Variants in CEP57 observed in about 807,000 individuals in gnomAD.
The protein encoded by CEP57 is centrosomal protein of 57 kDa.
Under a neutral mutation model 68.0 loss-of-function variants are expected in CEP57, and 40 were observed. The observed-to-expected ratio is 0.59, with a 90% CI of 0.46 to 0.77. CEP57 has a LOEUF of 0.77. CEP57 is among the 30% of genes least tolerant of loss of function. CEP57 has a pLI of 0.00. For synonymous variants in CEP57, 219 were observed against 198.7 expected (o/e 1.10, Z -0.86); for missense variants, 606 against 580.7 (o/e 1.04, Z -0.45).
intron 1 of CEP57, 47 bp downstream of exon 1, chr11:95,790,790 CTCTT>C: frequency 6.2e-7 from 1 of 1,607,930 alleles, no homozygotes; most frequent in Non-Finnish European, 8.5e-7. Flanking sequence ...CCCTAAGCGC[CTCTT>C]TGAGTTTCCT....
chr11:95,806,510 G>A lies in CEP57; in HGVS notation c.203-6422G>A, dbSNP rs1189793366. On this transcript the variant is annotated intron_variant, in intron 2 of 10. Transcript: ENST00000325542. ...TGACACACAGTACCTGGAAAATCAG[G>A]ACACTCCCACCCTAATACTGTGCTT... is the stretch of plus-strand genomic sequence containing the variant. Among the ~76,000 whole-genome samples, 3 of 152,142 alleles carry A rather than the reference G, an allele frequency of 2.0e-5. No individual in the cohort carries two copies. The East Asian group carries it at 5.8e-4, about 29-fold the overall frequency.
At chr11:95,809,743 G>A (rs548680806) in intron 2 of CEP57, among the ~76,000 whole-genome samples, 2 of 152,192 alleles carry the variant, frequency 1.3e-5, no homozygotes, top group Admixed American at 6.5e-5. Context: ...AGGACCAGAC[G>A]GATTCACAGC....
At chr11:95,819,124 A>G (rs1300444569) in intron 6 of CEP57, among the ~76,000 whole-genome samples, 1 of 152,234 alleles carries the variant, frequency 6.6e-6, no homozygotes, top group African/African-American at 2.4e-5. Context: ...GTAGAGTTTC[A>G]ATCAGCATTT....
intron 1 of CEP57, among the ~76,000 whole-genome samples, chr11:95,798,606 C>T (rs1169660857): frequency 1.3e-5 from 2 of 152,220 alleles, no homozygotes; most frequent in Non-Finnish European, 2.9e-5. Context: ...TAAAACTCCA[C>T]AGTTAGCATC....
Position 95,827,961 on chromosome 11 carries a change from A to G in CEP57, c.1061A>G (p.Asn354Ser), listed in dbSNP as rs756729497. ...TTGTCAGTAACACCTCCCTCCTCCAACGGTATTAATGAGGAGTTGTCAGAA... is the reference window on the plus strand; with the variant it reads ...TTGTCAGTAACACCTCCCTCCTCCAGCGGTATTAATGAGGAGTTGTCAGAA... ...KKLSVTPPSS[N>S]GINEELSEVL... Residue 354 changes from asparagine to serine, a missense_variant, in exon 9 of 11, where the codon AAC (asparagine) becomes AGC (serine). Coordinates refer to ENST00000325542, the MANE Select transcript of CEP57 (RefSeq NM_014679.5). 5.6e-6 allele frequency: 9 copies of G among 1,613,826 alleles called. No homozygotes were observed. Among genetic ancestry groups the G allele is most frequent in the Admixed American group, 1.7e-5 (1 of 59,994 alleles).
At chr11:95,809,020 A>G (rs1364799297) in intron 2 of CEP57, among the ~76,000 whole-genome samples, 1 of 152,272 alleles carries the variant, frequency 6.6e-6, no homozygotes, top group African/African-American at 2.4e-5. Flanking sequence ...CCACAGTGCA[A>G]TCAAACTAGA....
chr11:95,814,383 G>A (rs868489774), intron 4 of CEP57, among the ~76,000 whole-genome samples: 16 of 130,518 alleles, frequency 1.2e-4, no homozygotes, highest in Middle Eastern at 5.4e-3. Context: ...TTTTTGAGAC[G>A]GAGTTTCCCT....
intron 1 of CEP57, among the ~76,000 whole-genome samples, chr11:95,794,039 C>T (rs1039222991): frequency 2.0e-5 from 3 of 152,074 alleles, no homozygotes; most frequent in South Asian, 2.1e-4. Context: ...TCCAACAGAG[C>T]GAATGCAGAA....
At chr11:95,791,904 G>A (rs530808195) in intron 1 of CEP57, among the ~76,000 whole-genome samples, 29 of 152,262 alleles carry the variant, frequency 1.9e-4, no homozygotes, top group East Asian at 1.5e-3. Context: ...AATTGGAAAC[G>A]TAGGTAAAAA....
intron 2 of CEP57, among the ~76,000 whole-genome samples, chr11:95,812,359 A>AT (rs1230946676): frequency 2.0e-5 from 3 of 152,006 alleles, no homozygotes; most frequent in Non-Finnish European, 4.4e-5. Context: ...AGTCTTTGAA[A>AT]TTTTTTTACC....
At chr11:95,810,323 T>A (rs552725812) in intron 2 of CEP57, among the ~76,000 whole-genome samples, 146 of 152,294 alleles carry the variant, frequency 9.6e-4, no homozygotes, top group Non-Finnish European at 1.9e-3. Context: ...CCATTCCTAT[T>A]GAACATAGTG....
chr11:95,830,202 A>C (rs181465573), intron 10 of CEP57, among the ~76,000 whole-genome samples: 144 of 152,326 alleles, frequency 9.5e-4, no homozygotes, highest in African/African-American at 3.3e-3. Context: ...ATGCTAAGCC[A>C]CATTTTCTGG....
At chr11:95,798,217 T>A (rs1418610558) in intron 1 of CEP57, among the ~76,000 whole-genome samples, 1 of 152,224 alleles carries the variant, frequency 6.6e-6, no homozygotes, top group Non-Finnish European at 1.5e-5. Context: ...TTTATATTTA[T>A]ATAAATAGAA....
At chr11:95,792,213 C>G (rs989622099) in intron 1 of CEP57, among the ~76,000 whole-genome samples, 1 of 152,132 alleles carries the variant, frequency 6.6e-6, no homozygotes, top group African/African-American at 2.4e-5. Flanking sequence ...AAGTAAAAAA[C>G]TATTGGAAGT....
At chr11:95,825,593 C>CTTTTTT (rs540463994) in intron 8 of CEP57, 1 of 129,732 alleles carries the variant, frequency 7.7e-6, no homozygotes, top group Non-Finnish European at 1.6e-5. Flanking sequence ...CTGCTTTTGA[C>CTTTTTT]TTTTTTTTTT....
At chr11:95,819,201 T>G (rs1862424591) in intron 6 of CEP57, among the ~76,000 whole-genome samples, 1 of 152,206 alleles carries the variant, frequency 6.6e-6, no homozygotes, top group African/African-American at 2.4e-5. Flanking sequence ...CATGTAAAAC[T>G]TCTTACGGCC....
intron 4 of CEP57, among the ~76,000 whole-genome samples, chr11:95,814,358 T>A (rs1862208281): frequency 8.4e-6 from 1 of 119,590 alleles, no homozygotes; most frequent in African/African-American, 3.6e-5. Context: ...CTTGTGTGTA[T>A]TTTTTTTTTT....
At chr11:95,794,236 C>T (rs1426281712) in intron 1 of CEP57, 2 of 455,522 alleles carry the variant, frequency 4.4e-6, no homozygotes, top group Non-Finnish European at 8.8e-6. Flanking sequence ...AGGCTGGGCT[C>T]TGGATTACAG....
chr11:95,821,802 G>T, intron 6 of CEP57, 69 bp from the exon 7 acceptor site: 2 of 1,077,542 alleles, frequency 1.9e-6, no homozygotes, highest in South Asian at 2.6e-5. Flanking sequence ...CTTTTTACAT[G>T]ACACATCTGA....
Sources: gnomAD v4.1 joint callset for allele counts (sites outside exome capture counted in the v4.1 genomes callset) on GRCh38, gnomAD v4.1.1 for gene constraint, MANE v1.5 for transcripts, NCBI Gene and HGNC (gene_info 2026-07-23, HGNC 2026-07-21) for gene names.